Variants in ETNK1 observed in about 807,000 individuals in gnomAD.
The protein encoded by ETNK1 is putative protein product of Nbla10396.
A neutral mutation model predicts 45.1 loss-of-function variants in ETNK1; 8 were observed. The ratio of observed to expected loss-of-function variants is 0.18; its 90% CI spans 0.10 to 0.32. The LOEUF (loss-of-function observed/expected upper bound fraction) is 0.32. Among genes scored for constraint, ETNK1 ranks in the 10% least tolerant of loss-of-function variants. The pLI, the probability that ETNK1 is intolerant of heterozygous loss-of-function variation, is 1.00. For missense variants in ETNK1, 302 were observed against 430.6 expected (o/e 0.70, Z 2.64); for synonymous variants, 152 against 151.9 (o/e 1.00, Z -0.01).
intron 2 of ETNK1, among the ~76,000 whole-genome samples, chr12:22,649,553 A>G (rs567624829): frequency 4.6e-5 from 7 of 152,094 alleles, no homozygotes; most frequent in Non-Finnish European, 8.8e-5. Context: ...TGGGTTCTCT[A>G]TTCTGTTTCT....
At chr12:22,660,117 G>A (rs188946066) in intron 3 of ETNK1, among the ~76,000 whole-genome samples, 27 of 150,946 alleles carry the variant, frequency 1.8e-4, no homozygotes, top group Admixed American at 9.2e-4. Context: ...ACTTGTGGAA[G>A]TTGTATGTAG....
At chr12:22,679,493 G>C (rs1954192750) in intron 6 of ETNK1, among the ~76,000 whole-genome samples, 1 of 152,114 alleles carries the variant, frequency 6.6e-6, no homozygotes, top group African/African-American at 2.4e-5. Flanking sequence ...TCAAATGTCA[G>C]TCTCCTCTGG....
At chr12:22,648,343 C>G (rs1953833117) in intron 2 of ETNK1, among the ~76,000 whole-genome samples, 1 of 151,988 alleles carries the variant, frequency 6.6e-6, no homozygotes, top group Middle Eastern at 3.4e-3. Flanking sequence ...TTTCACTGCT[C>G]TAAAAAAATC....
At chr12:22,684,402 G>C in intron 6 of ETNK1, 81 bp from the exon 7 acceptor site, 1 of 936,934 alleles carries the variant, frequency 1.1e-6, no homozygotes, top group Non-Finnish European at 1.7e-6. Context: ...AGTTGATTTA[G>C]AGGATAGAAT....
chr12:22,631,136 G>A (rs1953574233), intron 1 of ETNK1, among the ~76,000 whole-genome samples: 6 of 151,620 alleles, frequency 4.0e-5, no homozygotes, highest in Admixed American at 2.6e-4. Context: ...TATGGTAGAG[G>A]TTACATCAGA....
chr12:22,671,150 T>C, intron 4 of ETNK1, 122 bp from the exon 5 acceptor site: 1 of 748,008 alleles, frequency 1.3e-6, no homozygotes. Context: ...GTCTCACAAG[T>C]GCATGTAATC....
intron 6 of ETNK1, chr12:22,682,380 TACTCAAGTCTGATA>T: frequency 2.7e-6 from 1 of 372,004 alleles, no homozygotes; most frequent in Non-Finnish European, 5.5e-6. Flanking sequence ...GTCTGCCAAA[TACTCAAGTCTGATA>T]ACTCTAGTTT....
rs781616992 is a variant in ETNK1 at position 22,625,182 on chromosome 12, C to A, written c.-249C>A. The A allele has an allele frequency of 8.1e-6, 13 of 1,600,438 alleles. No individual in the cohort carries two copies. The African/African-American group carries it at 9.4e-5, about 12-fold the overall frequency. On this transcript the variant is annotated 5_prime_UTR_variant, in exon 1 of 8. Transcript: ENST00000266517. Reference sequence around the variant, plus strand: ...CCCCGGCATGCTCTGCGGCCGCCCGCGGTCCAGCTCCGACAACAGGAATTT... The same window carrying A: ...CCCCGGCATGCTCTGCGGCCGCCCGAGGTCCAGCTCCGACAACAGGAATTT...
rs1954291277 is a variant in ETNK1 at position 22,690,096 on chromosome 12, G to T, written c.*5142G>T. 1 of 152,454 alleles carries T rather than the reference G, an allele frequency of 6.6e-6. No individual in the cohort carries two copies. The highest frequency in any genetic ancestry group is 1.9e-4 in the East Asian group (1 of 5,198). The allele number at this position is 152,454 out of a possible 1,614,324, so 9.4% of individuals were successfully genotyped here. On this transcript the variant is annotated 3_prime_UTR_variant, in exon 8 of 8. Coordinates refer to ENST00000266517, the MANE Select transcript of ETNK1 (RefSeq NM_018638.5). Reference sequence around the variant, plus strand: ...ACTGTCATTGCGTTAGCTTTATGTTGAATTGGGAAATTGTGGCATAAAGCT... The same window carrying T: ...ACTGTCATTGCGTTAGCTTTATGTTTAATTGGGAAATTGTGGCATAAAGCT...
At chr12:22,665,619 G>A (rs189390623) in intron 4 of ETNK1, among the ~76,000 whole-genome samples, 169 of 152,220 alleles carry the variant, frequency 1.1e-3, no homozygotes, top group African/African-American at 3.9e-3. Context: ...TGTGTGTTGA[G>A]GCATGAACAC....
intron 3 of ETNK1, 135 bp from the exon 4 acceptor site, chr12:22,660,928 A>C: frequency 1.4e-6 from 1 of 695,112 alleles, no homozygotes; most frequent in South Asian, 2.0e-5. Context: ...TTTGAAATAG[A>C]ATAATTGGTC....
Position 22,659,018 on chromosome 12 carries a change from A to C in ETNK1, c.421A>C (p.Ile141Leu), listed in dbSNP as rs1206147944. The change falls in exon 3 of 8, where the codon ATA becomes CTA. Residue 141 changes from isoleucine to leucine, a missense_variant. By Grantham distance (5) the Ile-to-Leu change is conservative (BLOSUM62 2). This residue lies in a region of ETNK1 where 205 missense variants were observed against 259.9 expected (regional missense o/e 0.79). Coordinates refer to ENST00000266517, the MANE Select transcript of ETNK1 (RefSeq NM_018638.5). ...HVCNPAIFRLIARQLAKIHAI... is the reference protein window; with the variant it reads ...HVCNPAIFRLLARQLAKIHAI... ...ATGCGGTTTTGTTTTAAACAGGCTA[A>C]TAGCTCGTCAGCTTGCTAAAATCCA... 6.2e-7 allele frequency: 1 copy of C among 1,612,970 alleles called. No homozygotes were observed. The highest frequency in any genetic ancestry group is 8.5e-7 in the Non-Finnish European group (1 of 1,179,752).
At chr12:22,675,205 G>A (rs998101034) in intron 6 of ETNK1, among the ~76,000 whole-genome samples, 3 of 149,864 alleles carry the variant, frequency 2.0e-5, no homozygotes, top group Admixed American at 6.7e-5. Context: ...AGTAGCAAGC[G>A]CCACCATGCC....
chr12:22,671,319 G>C lies in ETNK1; in HGVS notation c.748G>C (p.Ala250Pro). Residue 250 changes from alanine to proline, a missense_variant, in exon 5 of 8, where the codon GCA becomes CCA. Ala to Pro is a conservative substitution (Grantham distance 27, BLOSUM62 -1). Around this residue, in one of 3 missense-constraint regions of ETNK1, gnomAD observed 94 missense variants for 152.9 expected, o/e 0.61. Transcript: ENST00000266517. Reference protein sequence around the residue: ...DYEYSGYNYLAYDIGNHFNEF... With the variant: ...DYEYSGYNYLPYDIGNHFNEF... ...TGAATATTCTGGATACAACTACCTG[G>C]CATATGATATTGGAAATCATTTCAA... The C allele has an allele frequency of 6.2e-7, 1 of 1,610,206 alleles. No homozygotes were observed.
At chr12:22,625,875 C>T (rs1290464148) in intron 1 of ETNK1, 1 of 656,870 alleles carries the variant, frequency 1.5e-6, no homozygotes. Context: ...AGTTGCCCCT[C>T]CTCCCACTCC....
At chr12:22,644,294 G>C in intron 2 of ETNK1, 1 of 1,597,038 alleles carries the variant, frequency 6.3e-7, no homozygotes, top group Non-Finnish European at 8.5e-7. Flanking sequence ...CTTCTGCTTA[G>C]TTTTTTCTAG....
At chr12:22,651,004 A>T (rs1953867985) in intron 2 of ETNK1, among the ~76,000 whole-genome samples, 1 of 152,186 alleles carries the variant, frequency 6.6e-6, no homozygotes, top group Non-Finnish European at 1.5e-5. Context: ...GAAAACTAGG[A>T]TACAGACAAC....
At chr12:22,638,735 A>G (rs1336927532) in intron 1 of ETNK1, 1 of 152,172 alleles carries the variant, frequency 6.6e-6, no homozygotes, top group East Asian at 1.9e-4. Flanking sequence ...GATTAGTTGT[A>G]TCATGCAAGT....
At chr12:22,658,867 C>A in intron 2 of ETNK1, 147 bp from the exon 3 acceptor site, 1 of 707,490 alleles carries the variant, frequency 1.4e-6, no homozygotes, top group Non-Finnish European at 2.3e-6. Context: ...AGGGTTCTTG[C>A]TAAAACTGGT....
Sources: allele counts gnomAD v4.1 joint callset (sites outside exome capture counted in the v4.1 genomes callset), GRCh38; gene constraint gnomAD v4.1.1; regional missense constraint gnomAD v4.1.1; transcripts MANE v1.5; gene names NCBI Gene and HGNC (gene_info 2026-07-23, HGNC 2026-07-21).